Variants in ANK3 observed in about 807,000 individuals in gnomAD.
ANK3 encodes ankyrin 3, also known as ankyrin-3.
In ANK3, 57 loss-of-function variants were observed where a neutral mutation model predicts 370.9. The ratio of observed to expected loss-of-function variants is 0.15; its 90% CI spans 0.12 to 0.19. The LOEUF (loss-of-function observed/expected upper bound fraction) is 0.19, where lower values mean the gene tolerates loss of function less well. ANK3 is among the 10% of genes least tolerant of loss of function. ANK3 has a pLI of 1.00. For synonymous variants in ANK3, 1,929 were observed against 1,946.3 expected (o/e 0.99, Z 0.23); for missense variants, 4,439 against 5,302.1 (o/e 0.84, Z 5.06).
chr10:60,286,085 C>G (rs929764043), intron 1 of ANK3, among the ~76,000 whole-genome samples: 4 of 152,070 alleles, frequency 2.6e-5, no homozygotes, highest in African/African-American at 9.7e-5. Context: ...CATATATGAA[C>G]AGTTCAAAGA....
intron 1 of ANK3, among the ~76,000 whole-genome samples, chr10:60,688,093 T>G (rs992036155): frequency 6.6e-6 from 1 of 152,154 alleles, no homozygotes; most frequent in Admixed American, 6.5e-5. Context: ...CTTTTTTTTT[T>G]TTGAGACCTT....
At chr10:60,638,159 G>A (rs1317372026) in intron 1 of ANK3, among the ~76,000 whole-genome samples, 1 of 152,184 alleles carries the variant, frequency 6.6e-6, no homozygotes, top group African/African-American at 2.4e-5. Flanking sequence ...ATGCATGGAT[G>A]AGGTGAAACT....
chr10:60,301,396 A>G (rs111334131), intron 1 of ANK3, among the ~76,000 whole-genome samples: 255 of 147,026 alleles, frequency 1.7e-3, no homozygotes, highest in African/African-American at 5.9e-3. Flanking sequence ...ATACATACAC[A>G]CACACACACA....
intron 2 of ANK3, among the ~76,000 whole-genome samples, chr10:60,430,663 A>T (rs1168353534): frequency 2.0e-5 from 3 of 152,098 alleles, no homozygotes; most frequent in Non-Finnish European, 4.4e-5. Flanking sequence ...ACCCCAGAGA[A>T]TTTTTTTATT....
intron 1 of ANK3, among the ~76,000 whole-genome samples, chr10:60,385,343 A>T (rs1234685871): frequency 6.6e-6 from 1 of 151,704 alleles, no homozygotes; most frequent in African/African-American, 2.4e-5. Context: ...CTTCATTGAG[A>T]TTCTCCTCTG....
chr10:60,416,887 T>C (rs1194596178), intron 2 of ANK3, among the ~76,000 whole-genome samples: 1 of 152,180 alleles, frequency 6.6e-6, no homozygotes, highest in Non-Finnish European at 1.5e-5. Context: ...CACTTAAAGC[T>C]GAGTGTTTTA....
intron 42 of ANK3, 83 bp from the exon 43 acceptor site, chr10:60,042,842 G>T (rs1156514921): frequency 1.1e-5 from 18 of 1,585,680 alleles, no homozygotes; most frequent in Non-Finnish European, 1.5e-5. Flanking sequence ...TTGGAGGCTG[G>T]ATTAGGACAA....
chr10:60,228,931 C>T (rs1415686643), intron 8 of ANK3, among the ~76,000 whole-genome samples: 1 of 152,104 alleles, frequency 6.6e-6, no homozygotes, highest in Non-Finnish European at 1.5e-5. Context: ...GTTGGTGCAA[C>T]AACAATTGTG....
chr10:60,218,525 TCTC>T (rs1457195042), intron 8 of ANK3, among the ~76,000 whole-genome samples: 2 of 152,202 alleles, frequency 1.3e-5, no homozygotes, highest in Non-Finnish European at 2.9e-5. Flanking sequence ...GGATTTTACT[TCTC>T]CTTCACTTAT....
upstream of ANK3, among the ~76,000 whole-genome samples, chr10:60,392,922 C>T (rs1216669543): frequency 1.3e-5 from 2 of 151,918 alleles, no homozygotes; most frequent in African/African-American, 4.8e-5. Flanking sequence ...GAGCAAGGCT[C>T]TGTCCCTTGG....
At position 60,479,238 on chromosome 10, in the gene ANK3, G is replaced by GT. The variant is rs1486373953; in HGVS notation, c.96+135947dup. Among the ~76,000 whole-genome samples the GT allele has an allele frequency of 2.0e-5, 3 of 152,110 alleles. No homozygotes were observed. The East Asian group carries it at 5.8e-4, about 29-fold the overall frequency. On this transcript the variant is annotated intron_variant, in intron 2 of 43. Coordinates refer to the ANK3 transcript ENST00000373827. ...ATGATAAACCACATATATGATGGTG[G>GT]TTACATATTATAAAACCACATTTTT...
At chr10:60,300,558 C>G (rs1442393818) in intron 1 of ANK3, 3 of 1,193,830 alleles carry the variant, frequency 2.5e-6, no homozygotes, top group Non-Finnish European at 3.2e-6. Context: ...CGCCTGGGCC[C>G]TTATAAACAG....
intron 10 of ANK3, 121 bp downstream of exon 10, chr10:60,207,915 A>C: frequency 1.1e-6 from 1 of 884,118 alleles, no homozygotes; most frequent in Non-Finnish European, 1.8e-6. Context: ...AAAAATTGAC[A>C]AGAAGTACAC....
intron 2 of ANK3, among the ~76,000 whole-genome samples, chr10:60,553,461 A>G (rs1243248400): frequency 6.6e-6 from 1 of 152,176 alleles, no homozygotes; most frequent in Non-Finnish European, 1.5e-5. Flanking sequence ...TATATTTTTA[A>G]TAAAATAAAT....
chr10:60,360,818 C>T (rs1037696509), intron 1 of ANK3, among the ~76,000 whole-genome samples: 7 of 152,046 alleles, frequency 4.6e-5, no homozygotes, highest in African/African-American at 1.4e-4. Context: ...CACATTTAAC[C>T]TTTAAATCTA....
chr10:60,243,797 T>C (rs2097511631), intron 7 of ANK3, among the ~76,000 whole-genome samples: 1 of 152,198 alleles, frequency 6.6e-6, no homozygotes, highest in Non-Finnish European at 1.5e-5. Flanking sequence ...CATGGCGATC[T>C]AAAGTAAGCC....
chr10:60,045,950 G>C (rs950933197), intron 42 of ANK3, among the ~76,000 whole-genome samples: 5 of 149,822 alleles, frequency 3.3e-5, no homozygotes, highest in South Asian at 2.1e-4. Context: ...GTGACTTTGT[G>C]TTCTTACAGT....
chr10:60,463,703 A>T (rs2064945072), intron 2 of ANK3, among the ~76,000 whole-genome samples: 1 of 140,164 alleles, frequency 7.1e-6, no homozygotes, highest in African/African-American at 2.6e-5. Flanking sequence ...CAAACCAAAT[A>T]ATTTTCCAGG....
chr10:60,704,682 G>C (rs2079590339), intron 1 of ANK3, among the ~76,000 whole-genome samples: 1 of 152,136 alleles, frequency 6.6e-6, no homozygotes, highest in Non-Finnish European at 1.5e-5. Context: ...TGAATGAAAG[G>C]AGAATCCAGA....
Sources: allele counts gnomAD v4.1 joint callset (sites outside exome capture counted in the v4.1 genomes callset), GRCh38; gene constraint gnomAD v4.1.1; transcripts MANE v1.5; gene names NCBI Gene and HGNC (gene_info 2026-07-23, HGNC 2026-07-21).